RAD54L: variants seen among roughly 807,000 people sequenced by gnomAD.
RAD54L encodes the protein DNA repair and recombination protein RAD54-like.
RAD54L carries 74 observed loss-of-function variants against 91.6 expected under a neutral mutation model. The ratio of observed to expected loss-of-function variants is 0.81; its 90% CI spans 0.67 to 0.98. The LOEUF (loss-of-function observed/expected upper bound fraction) is 0.98. Among genes scored for constraint, RAD54L ranks in the 50% least tolerant of loss-of-function variants. The pLI is 0.00. For missense variants in RAD54L, 887 were observed against 945.7 expected, an observed-to-expected ratio of 0.94 and a Z score of 0.81; for synonymous variants, 304 against 349.7, an observed-to-expected ratio of 0.87 and a Z score of 1.46.
chr1:46,255,762 A>G (rs1358382212), intron 3 of RAD54L, among the ~76,000 whole-genome samples: 1 of 152,004 alleles, frequency 6.6e-6, no homozygotes, highest in Non-Finnish European at 1.5e-5. Flanking sequence ...TGGCCTCCCA[A>G]AGTGCTGGGA....
intron 14 of RAD54L, 92 bp from the exon 15 acceptor site, chr1:46,274,046 T>G: frequency 7.8e-7 from 1 of 1,283,326 alleles, no homozygotes; most frequent in Non-Finnish European, 1.1e-6. Context: ...GACTCTGCTT[T>G]CTTGGGTCTT....
At chr1:46,274,762 G>A (rs1212617521) in intron 16 of RAD54L, 45 bp downstream of exon 16, 18 of 1,607,618 alleles carry the variant, frequency 1.1e-5, no homozygotes, top group South Asian at 8.8e-5. Flanking sequence ...GTCATGGAAC[G>A]AGATCTTCAG....
chr1:46,269,307 A>T (rs2148296789), intron 9 of RAD54L, among the ~76,000 whole-genome samples: 1 of 148,836 alleles, frequency 6.7e-6, no homozygotes, highest in East Asian at 2.0e-4. Flanking sequence ...TTCCAACTAT[A>T]GTCTTTTTTT....
chr1:46,271,100 T>A (rs1660413410), intron 10 of RAD54L, among the ~76,000 whole-genome samples: 1 of 152,234 alleles, frequency 6.6e-6, no homozygotes, highest in Non-Finnish European at 1.5e-5. Flanking sequence ...TTCCTGTCAG[T>A]TGGTCTCAGA....
chr1:46,267,792 C>A, intron 9 of RAD54L, 183 bp downstream of exon 9: 1 of 802,296 alleles, frequency 1.2e-6, no homozygotes, highest in Non-Finnish European at 2.0e-6. Flanking sequence ...ATCTGCTGAG[C>A]AACTCAGCAA....
chr1:46,260,488 G>T, intron 5 of RAD54L, 54 bp from the exon 6 acceptor site: 1 of 1,539,182 alleles, frequency 6.5e-7, no homozygotes, highest in Non-Finnish European at 9.0e-7. Context: ...GCTTCCTGAG[G>T]GTGCTCCCTT....
chr1:46,267,541 G>T lies in RAD54L; in HGVS notation c.974G>T (p.Gly325Val). Residue 325 changes from glycine (G) to valine (V), a missense_variant, in exon 9 of 18, where the codon GGA (glycine) becomes GTA (valine). Transcript: ENST00000371975. Reference sequence around the variant, plus strand: ...ACCAGCCGGCGGGTGCTCATCTCCGGAACTCCCATCCAGAATGATCTGCTT... The same window carrying T: ...ACCAGCCGGCGGGTGCTCATCTCCGTAACTCCCATCCAGAATGATCTGCTT... Reference protein sequence around the residue: ...LNTSRRVLISGTPIQNDLLEY... With the variant: ...LNTSRRVLISVTPIQNDLLEY... 2 of 1,613,774 alleles carry T rather than the reference G, an allele frequency of 1.2e-6. No homozygotes were observed. Among genetic ancestry groups the T allele is most frequent in the East Asian group, 4.5e-5 (2 of 44,852 alleles).
At chr1:46,249,874 A>G (rs1659750447) in intron 2 of RAD54L, 126 bp from the exon 3 acceptor site, 6 of 1,004,074 alleles carry the variant, frequency 6.0e-6, no homozygotes, top group Non-Finnish European at 9.3e-6. Context: ...TGAAGATGAT[A>G]CACTATGACA....
intron 16 of RAD54L, among the ~76,000 whole-genome samples, chr1:46,275,040 T>C (rs1322003967): frequency 2.0e-5 from 3 of 152,230 alleles, no homozygotes; most frequent in Non-Finnish European, 2.9e-5. Flanking sequence ...CTCCAAGTTA[T>C]AAATTATCAC....
At position 46,273,393 on chromosome 1, in the gene RAD54L, G is replaced by A. The variant is rs1430759152; in HGVS notation, c.1414G>A (p.Asp472Asn). 3 of 1,613,958 alleles carry A rather than the reference G, an allele frequency of 1.9e-6. No homozygotes were observed. The highest frequency in any genetic ancestry group is 3.3e-5 in the Admixed American group (2 of 60,024). The part of the protein sequence containing the change: ...LIYDKCVEEE[D>N]GFVGALDLFP... Reference sequence around the variant, plus strand: ...CTATGATAAGTGTGTGGAAGAGGAGGATGGCTTTGTGGGTGCCTTGGACCT... The same window carrying A: ...CTATGATAAGTGTGTGGAAGAGGAGAATGGCTTTGTGGGTGCCTTGGACCT... Residue 472 changes from aspartate (D) to asparagine (N), a missense_variant, in exon 13 of 18, where the codon GAT becomes AAT. Coordinates refer to ENST00000371975, the MANE Select transcript of RAD54L (RefSeq NM_003579.4).
intron 7 of RAD54L, 88 bp from the exon 8 acceptor site, chr1:46,261,172 CT>C: frequency 6.4e-7 from 1 of 1,571,194 alleles, no homozygotes; most frequent in Non-Finnish European, 8.7e-7. Context: ...TGTTTCCAGG[CT>C]AAATTAAAGA....
intron 1 of RAD54L, 38 bp downstream of exon 1, chr1:46,248,446 G>A: frequency 6.2e-7 from 1 of 1,614,104 alleles, no homozygotes; most frequent in Non-Finnish European, 8.5e-7. Context: ...AATAGCCCTG[G>A]GTCAGGGTCT....
intron 14 of RAD54L, 34 bp downstream of exon 14, chr1:46,273,781 G>A: frequency 2.5e-6 from 4 of 1,575,630 alleles, no homozygotes; most frequent in Non-Finnish European, 3.5e-6. Flanking sequence ...GCCAAAGGGG[G>A]ATATACCCCT....
At position 46,272,816 on chromosome 1, in the gene RAD54L, G is replaced by A. The variant is rs767814843; in HGVS notation, c.1375+14G>A. ...AGCTTTGTAATCGTGAGTTGGGCTT[G>A]TGTCCTGGTGTCCTCTGTGAGAGTG... On this transcript the variant is annotated intron_variant, in intron 12 of 17. Transcript: ENST00000371975. 6.2e-7 allele frequency: 1 copy of A among 1,614,020 alleles called. No individual in the cohort carries two copies. The highest frequency in any genetic ancestry group is 1.1e-5 in the South Asian group (1 of 91,078).
Position 46,248,551 on chromosome 1 carries a change from C to T in RAD54L, c.43C>T (p.Pro15Ser), listed in dbSNP as rs747359706. The T allele has an allele frequency of 6.2e-7, 1 of 1,614,100 alleles. No homozygotes were observed. The highest frequency in any genetic ancestry group is 1.7e-5 in the Admixed American group (1 of 60,012). ...LAPSQLAKRKPEGRSCDDEDW... is the reference protein window; with the variant it reads ...LAPSQLAKRKSEGRSCDDEDW... ...TCCCAGCCAGCTGGCCAAGAGAAAA[C>T]CTGAAGGCAGGTCCTGTGATGATGA... The change falls in exon 2 of 18, where the codon CCT becomes TCT. Residue 15 changes from proline to serine, a missense_variant. Pro to Ser is a moderately conservative substitution (Grantham distance 74). Coordinates refer to ENST00000371975, the MANE Select transcript of RAD54L (RefSeq NM_003579.4).
intron 6 of RAD54L, 32 bp from the exon 7 acceptor site, chr1:46,260,695 G>A (rs780992958): frequency 1.2e-6 from 2 of 1,614,184 alleles, no homozygotes; most frequent in South Asian, 2.2e-5. Flanking sequence ...CAGCGTAGGT[G>A]CCAAAGTGGA....
chr1:46,248,090 A>C lies in RAD54L; in HGVS notation c.-316A>C. The C allele has an allele frequency of 3.3e-6, 1 of 305,274 alleles. No individual in the cohort carries two copies. Among genetic ancestry groups the C allele is most frequent in the East Asian group, 6.1e-5 (1 of 16,322 alleles). 18.9% of individuals were successfully genotyped at this position (305,274 alleles called of 1,614,324 possible). A position where few individuals can be genotyped will look rare whatever the true frequency, so the allele number is the denominator to read the frequency against. On this transcript the variant is annotated 5_prime_UTR_variant, in exon 1 of 18. Transcript: ENST00000371975. ...TCCCTTCACCCGGACTGGGACCATC[A>C]TCCCCACTCCACTCCGCCCAGTCTG...
chr1:46,264,791 C>T (rs941692088), intron 8 of RAD54L, among the ~76,000 whole-genome samples: 1 of 152,146 alleles, frequency 6.6e-6, no homozygotes, highest in East Asian at 1.9e-4. Flanking sequence ...TTTTTCCTAT[C>T]CCTCTCTGCC....
chr1:46,260,060 C>T lies in RAD54L; in HGVS notation c.368C>T (p.Pro123Leu). 1 of 1,614,206 alleles carries T rather than the reference C, an allele frequency of 6.2e-7. No individual in the cohort carries two copies. Among genetic ancestry groups the T allele is most frequent in the South Asian group, 1.1e-5 (1 of 91,080 alleles). ...LEKDALVLYE[P>L]PPLSAHDQLK... ...AAAGATGCCTTGGTTCTGTATGAGCCTCCCCCGCTGAGCGCTCATGACCAG... is the reference window on the plus strand; with the variant it reads ...AAAGATGCCTTGGTTCTGTATGAGCTTCCCCCGCTGAGCGCTCATGACCAG... The change falls in exon 5 of 18, where the codon CCT becomes CTT. Residue 123 changes from proline to leucine, a missense_variant. Coordinates refer to ENST00000371975, the MANE Select transcript of RAD54L (RefSeq NM_003579.4).
Sources: gnomAD v4.1 joint callset for allele counts (sites outside exome capture counted in the v4.1 genomes callset) on GRCh38, gnomAD v4.1.1 for gene constraint, MANE v1.5 for transcripts, NCBI Gene and HGNC (gene_info 2026-07-23, HGNC 2026-07-21) for gene names.